TAF4: variants seen among roughly 807,000 people sequenced by gnomAD.
TAF4 encodes the protein TATA-box binding protein associated factor 4.
A neutral mutation model predicts 90.3 loss-of-function variants in TAF4; 9 were observed. The observed-to-expected ratio is 0.10, with a 90% confidence interval of 0.06 to 0.17. The LOEUF (loss-of-function observed/expected upper bound fraction) is 0.17. TAF4 is among the 10% of genes least tolerant of loss of function. TAF4 has a pLI of 1.00. For missense variants in TAF4, 1,351 were observed against 1,370.7 expected, an observed-to-expected ratio of 0.99 and a Z score of 0.23; for synonymous variants, 818 against 638.9, an observed-to-expected ratio of 1.28 and a Z score of -4.23.
At chr20:62,015,005 C>A (rs1347611982) in intron 1 of TAF4, among the ~76,000 whole-genome samples, 1 of 152,330 alleles carries the variant, frequency 6.6e-6, no homozygotes, top group South Asian at 2.1e-4. Context: ...CACCACGTGC[C>A]CCCATGCCCC....
intron 1 of TAF4, among the ~76,000 whole-genome samples, chr20:62,048,580 G>A (rs1197787981): frequency 1.3e-5 from 2 of 152,024 alleles, no homozygotes; most frequent in Non-Finnish European, 2.9e-5. Flanking sequence ...TGTTAAGCAG[G>A]ATCGTCTCCC....
At chr20:62,014,418 G>C in intron 2 of TAF4, 129 bp downstream of exon 2, 1 of 1,248,942 alleles carries the variant, frequency 8.0e-7, no homozygotes, top group Non-Finnish European at 1.1e-6. Context: ...GATGGGACTG[G>C]GACGCCGCCC....
At chr20:62,064,308 G>T in intron 1 of TAF4, 143 bp downstream of exon 1, 1 of 1,001,552 alleles carries the variant, frequency 1.0e-6, no homozygotes, top group South Asian at 3.8e-5. Context: ...CCCGCACCTG[G>T]GTAGAGACTG....
At chr20:61,981,886 C>T in intron 14 of TAF4, among the ~76,000 whole-genome samples, 1 of 145,546 alleles carries the variant, frequency 6.9e-6, no homozygotes, top group East Asian at 2.0e-4. Context: ...TCACACCCCA[C>T]CCGAGAGGAG....
At chr20:61,976,568 C>G (rs963842197) in intron 14 of TAF4, among the ~76,000 whole-genome samples, 1 of 152,224 alleles carries the variant, frequency 6.6e-6, no homozygotes, top group Non-Finnish European at 1.5e-5. Context: ...TCAGATGCTG[C>G]CCAATGCCCC....
intron 1 of TAF4, among the ~76,000 whole-genome samples, chr20:62,030,011 C>T (rs148547536): frequency 5.3e-5 from 8 of 152,162 alleles, no homozygotes; most frequent in South Asian, 2.1e-4. Context: ...GGCATGGTCA[C>T]GGTGAAGCTG....
At chr20:62,014,269 C>G (rs529771178) in intron 2 of TAF4, among the ~76,000 whole-genome samples, 1 of 152,210 alleles carries the variant, frequency 6.6e-6, no homozygotes, top group East Asian at 1.9e-4. Context: ...AGCGGCCAAC[C>G]CTGGACTGCT....
intron 1 of TAF4, among the ~76,000 whole-genome samples, chr20:62,018,926 T>A (rs1029288185): frequency 2.6e-5 from 4 of 152,146 alleles, no homozygotes; most frequent in African/African-American, 9.7e-5. Context: ...CCTGGGACCC[T>A]GCCTCCTGAC....
Position 62,010,306 on chromosome 20 carries a change from T to C in TAF4, c.1642-141A>G. ...CAGGAAGCCAAGGACCCCGGCCACC[T>C]GCCAGCCCGCTGGACACGGGAGTGC... On this transcript the variant is annotated intron_variant, in intron 3 of 14. Coordinates refer to ENST00000252996, the MANE Select transcript of TAF4 (RefSeq NM_003185.4). This position sits in a 1 kb window ranked among gnomAD's most constrained non-coding sequence, Gnocchi z 4.5. 2.4e-6 allele frequency: 3 copies of C among 1,274,368 alleles called. No homozygotes were observed. The highest frequency in any genetic ancestry group is 3.2e-6 in the Non-Finnish European group (3 of 924,862). 78.9% of individuals were successfully genotyped at this position (1,274,368 alleles called of 1,614,324 possible). A position where few individuals can be genotyped will look rare whatever the true frequency, so the allele number is the denominator to read the frequency against.
chr20:62,043,082 G>A (rs184101447), intron 1 of TAF4, among the ~76,000 whole-genome samples: 135 of 152,326 alleles, frequency 8.9e-4, no homozygotes, highest in Non-Finnish European at 1.5e-3. Context: ...AGCATTTCTG[G>A]AGGCTAAGAC....
intron 1 of TAF4, among the ~76,000 whole-genome samples, chr20:62,064,145 G>A (rs966658907): frequency 3.9e-5 from 6 of 152,356 alleles, no homozygotes; most frequent in Non-Finnish European, 5.9e-5. Flanking sequence ...GCGGGAGCAG[G>A]TAAGGACCAC....
intron 14 of TAF4, among the ~76,000 whole-genome samples, chr20:61,989,924 G>A (rs2055620510): frequency 1.3e-5 from 2 of 152,208 alleles, no homozygotes; most frequent in Admixed American, 6.5e-5. Context: ...TGGCGACACA[G>A]GCAGGCGGTT....
chr20:62,029,540 C>T (rs1407564529), intron 1 of TAF4, among the ~76,000 whole-genome samples: 3 of 152,098 alleles, frequency 2.0e-5, no homozygotes, highest in Non-Finnish European at 2.9e-5. Flanking sequence ...ATCACCTGTA[C>T]TTGGGGCTGC....
At chr20:62,038,185 G>A (rs779209167) in intron 1 of TAF4, among the ~76,000 whole-genome samples, 16 of 151,976 alleles carry the variant, frequency 1.1e-4, no homozygotes, top group Non-Finnish European at 2.1e-4. Context: ...CCACCACTAC[G>A]CCCGGCTAAT....
chr20:62,005,728 G>C (rs968256199), intron 7 of TAF4: 1 of 152,220 alleles, frequency 6.6e-6, no homozygotes, highest in African/African-American at 2.4e-5. Context: ...AATGCAACTT[G>C]AACAGAGCAC....
chr20:61,992,359 A>C (rs1414868725), intron 14 of TAF4, among the ~76,000 whole-genome samples: 1 of 152,096 alleles, frequency 6.6e-6, no homozygotes. Flanking sequence ...TCTTATTCTC[A>C]GGCTATGTCC....
intron 14 of TAF4, chr20:61,980,956 G>C (rs2055537200): frequency 6.6e-6 from 1 of 152,498 alleles, no homozygotes; most frequent in Non-Finnish European, 1.5e-5. Flanking sequence ...CAGACCACAG[G>C]GCAGGGACCA....
intron 1 of TAF4, among the ~76,000 whole-genome samples, chr20:62,026,955 T>G (rs1463475732): frequency 6.6e-6 from 1 of 152,244 alleles, no homozygotes; most frequent in Non-Finnish European, 1.5e-5. Context: ...CCGTGGAGAC[T>G]TCTACTCATG....
intron 14 of TAF4, among the ~76,000 whole-genome samples, chr20:61,986,421 C>CCAAAGGAAACACCATCCCCAAT (rs1568922493): frequency 1.3e-4 from 5 of 39,644 alleles, no homozygotes; most frequent in South Asian, 6.2e-4. Flanking sequence ...CCATCCCCAA[C>CCAAAGGAAACACCATCCCCAAT]CAAAGGAAAC....
Sources: allele counts gnomAD v4.1 joint callset (sites outside exome capture counted in the v4.1 genomes callset), GRCh38; gene constraint gnomAD v4.1.1; non-coding constraint Gnocchi (gnomAD v3.1); transcripts MANE v1.5; gene names NCBI Gene and HGNC (gene_info 2026-07-23, HGNC 2026-07-21).